Variants in MTMR8 observed in about 807,000 individuals in gnomAD.
MTMR8 encodes phosphatidylinositol-3,5-bisphosphate 3-phosphatase MTMR8.
A neutral mutation model predicts 39.3 loss-of-function variants in MTMR8; 65 were observed. The observed-to-expected ratio is 1.65, with a 90% confidence interval of 1.35 to 2.03. The LOEUF is 2.03. Among genes scored for constraint, MTMR8 ranks in the 30% most tolerant of loss-of-function variants. MTMR8 has a pLI of 0.00. For missense variants in MTMR8, 777 were observed against 538.9 expected, an observed-to-expected ratio of 1.44 and a Z score of -4.37; for synonymous variants, 245 against 185.2, an observed-to-expected ratio of 1.32 and a Z score of -2.62.
chrX:64,283,131 C>T (rs1369254784), intron 12 of MTMR8, among the ~76,000 whole-genome samples: 1 of 112,052 alleles, frequency 8.9e-6, no homozygotes, highest in Non-Finnish European at 1.9e-5. Context: ...CACCCTAATA[C>T]TGCGCTTTTC....
At chrX:64,328,682 T>A in intron 12 of MTMR8, 90 bp downstream of exon 12, 1 of 922,861 alleles carries the variant, frequency 1.1e-6, no homozygotes. Flanking sequence ...GCCAGGCTTG[T>A]ACAGATGGTG....
At chrX:64,333,735 C>T (rs987994740) in intron 10 of MTMR8, among the ~76,000 whole-genome samples, 2 of 111,793 alleles carry the variant, frequency 1.8e-5, no homozygotes, top group African/African-American at 6.5e-5. Flanking sequence ...TCACTCATGC[C>T]TCCATTCACA....
chrX:64,390,659 CCT>C (rs1491435673), intron 1 of MTMR8, among the ~76,000 whole-genome samples: 2 of 110,723 alleles, frequency 1.8e-5, no homozygotes, highest in Non-Finnish European at 3.8e-5. Flanking sequence ...TAAAATTCAC[CCT>C]TTTTTTTTGA....
At chrX:64,378,682 T>C in intron 1 of MTMR8, among the ~76,000 whole-genome samples, 1 of 112,745 alleles carries the variant, frequency 8.9e-6, no homozygotes, top group South Asian at 3.6e-4. Context: ...ATTGAATGCA[T>C]ATATTAGAAC....
intron 12 of MTMR8, among the ~76,000 whole-genome samples, chrX:64,275,275 A>G (rs1252707323): frequency 1.8e-5 from 2 of 111,627 alleles, no homozygotes; most frequent in East Asian, 5.6e-4. Context: ...AGAAAGATCT[A>G]AAATCAAAAA....
chrX:64,295,356 A>T (rs1453939377), intron 12 of MTMR8, among the ~76,000 whole-genome samples: 1 of 111,480 alleles, frequency 9.0e-6, no homozygotes, highest in Non-Finnish European at 1.9e-5. Flanking sequence ...CAAGACTAAA[A>T]CTGTAAAATT....
intron 12 of MTMR8, among the ~76,000 whole-genome samples, chrX:64,304,887 T>TACAC (rs1922035195): frequency 8.9e-5 from 7 of 78,607 alleles, no homozygotes; most frequent in African/African-American, 3.1e-4. Context: ...TATATATATA[T>TACAC]ATATATATAT....
chrX:64,285,365 A>T (rs1439367402), intron 12 of MTMR8, among the ~76,000 whole-genome samples: 1 of 111,251 alleles, frequency 9.0e-6, no homozygotes, highest in Non-Finnish European at 1.9e-5. Flanking sequence ...CTCCCACACA[A>T]TAATAATGGG....
At position 64,323,884 on chromosome X, in the gene MTMR8, C is replaced by G. The variant is rs768247529; in HGVS notation, c.1481+4888G>C. Among the ~76,000 whole-genome samples, 148 of 112,107 alleles carry G rather than the reference C, an allele frequency of 1.3e-3. 1 individual carries two copies. The highest frequency in any genetic ancestry group is 4.7e-3 in the African/African-American group (145 of 30,879). ...GAGAGAAATGAAAATGGAAATACAG[C>G]ATACCAAAATCCTTGGGACACAGCT... On this transcript the variant is annotated intron_variant, in intron 12 of 13. Transcript: ENST00000374852.
At chrX:64,283,492 G>A (rs762811832) in intron 12 of MTMR8, among the ~76,000 whole-genome samples, 6 of 111,848 alleles carry the variant, frequency 5.4e-5, no homozygotes, top group East Asian at 2.9e-4. Flanking sequence ...CTCCCAGCAC[G>A]GAGTTTGAGA....
intron 12 of MTMR8, among the ~76,000 whole-genome samples, chrX:64,309,098 T>G (rs1922217115): frequency 8.9e-6 from 1 of 112,065 alleles, no homozygotes; most frequent in Admixed American, 9.5e-5. Flanking sequence ...TTCTGAGTCT[T>G]TGGTGTCTCT....
At position 64,308,806 on chromosome X, in the gene MTMR8, C is replaced by T. The variant is rs1480862666; in HGVS notation, c.1481+19966G>A. On this transcript the variant is annotated intron_variant, in intron 12 of 13. Coordinates refer to ENST00000374852, the MANE Select transcript of MTMR8 (RefSeq NM_017677.4). ...CTCTGTGTCTAGATTCAATTTTTTT[C>T]TTTTTTAATATGTGGATGTTGAGTT... Among the ~76,000 whole-genome samples the T allele has an allele frequency of 2.7e-5, 3 of 110,734 alleles. No individual in the cohort carries two copies. The South Asian group carries it at 1.1e-3, about 42-fold the overall frequency.
rs142247409 is a variant in MTMR8 at position 64,271,034 on chromosome X, C to A, written c.1521G>T (p.Leu507=). The A allele has an allele frequency of 8.3e-7, 1 of 1,205,704 alleles. No individual in the cohort carries two copies. Among genetic ancestry groups the A allele is most frequent in the Non-Finnish European group, 1.1e-6 (1 of 893,412 alleles). Residue 507 remains leucine (L), a synonymous_variant, in exon 13 of 14, where the codon CTG becomes CTT. Coordinates refer to ENST00000374852, the MANE Select transcript of MTMR8 (RefSeq NM_017677.4). The part of the protein sequence containing the change: ...CGMYNRFDKG[L]QPKQSMLESL... ...TCTCTAGCATACTCTGCTTGGGCTG[C>A]AGCCCTTTGTCAAAGCGGTTATACA...
At chrX:64,385,116 C>G (rs1924524691) in intron 1 of MTMR8, among the ~76,000 whole-genome samples, 1 of 112,078 alleles carries the variant, frequency 8.9e-6, no homozygotes, top group African/African-American at 3.2e-5. Context: ...GCCAGATACA[C>G]TAAATCATCA....
chrX:64,369,815 C>G (rs2147240395), intron 1 of MTMR8, among the ~76,000 whole-genome samples: 1 of 110,848 alleles, frequency 9.0e-6, no homozygotes, highest in East Asian at 2.8e-4. Context: ...AATGCAAGAA[C>G]AGGCCTGTTC....
At chrX:64,339,628 C>A (rs1923164732) in intron 8 of MTMR8, among the ~76,000 whole-genome samples, 4 of 110,547 alleles carry the variant, frequency 3.6e-5, no homozygotes, top group Admixed American at 2.9e-4. Flanking sequence ...AATATTTGAG[C>A]ATACTACTGA....
intron 12 of MTMR8, among the ~76,000 whole-genome samples, chrX:64,311,047 C>T (rs775164644): frequency 4.5e-5 from 5 of 111,920 alleles, no homozygotes; most frequent in Admixed American, 1.9e-4. Flanking sequence ...AATGGTATTT[C>T]TAGTTCTAGA....
intron 12 of MTMR8, among the ~76,000 whole-genome samples, chrX:64,288,907 T>C (rs189167000): frequency 6.0e-4 from 66 of 110,410 alleles, no homozygotes; most frequent in African/African-American, 2.0e-3. Flanking sequence ...TTAGGAGATA[T>C]ATCTAATATA....
intron 1 of MTMR8, among the ~76,000 whole-genome samples, chrX:64,390,461 A>G (rs1924664257): frequency 8.9e-6 from 1 of 111,928 alleles, no homozygotes; most frequent in Admixed American, 9.5e-5. Context: ...AGCTATGCAT[A>G]CTAAACAATT....
Sources: gnomAD v4.1 joint callset for allele counts (sites outside exome capture counted in the v4.1 genomes callset) on GRCh38, gnomAD v4.1.1 for gene constraint, MANE v1.5 for transcripts, NCBI Gene and HGNC (gene_info 2026-07-23, HGNC 2026-07-21) for gene names.